OR10A3: variants seen among roughly 807,000 people sequenced by gnomAD.
The protein encoded by OR10A3 is olfactory receptor family 10 subfamily A member 3, also known as olfactory receptor 10A3.
Under a neutral mutation model 1.5 loss-of-function variants are expected in OR10A3, and 1 was observed. The ratio of observed to expected loss-of-function variants is 0.66; its 90% CI spans 0.23 to 3.11. The LOEUF is 3.11. Ranked by LOEUF, OR10A3 falls within the 30% of genes most tolerant of loss-of-function variation. The pLI is 0.21. For missense variants in OR10A3, 398 were observed against 369.7 expected, an observed-to-expected ratio of 1.08 and a Z score of -0.63; for synonymous variants, 145 against 143.7, an observed-to-expected ratio of 1.01 and a Z score of -0.06.
In OR10A3 at chr11:7,939,036, C is replaced by A. The variant is rs79575648; in HGVS notation, c.485G>T (p.Trp162Leu). ...GCCACAAAATGGAAAACTAAATACC[C>A]AAGTGGTCTGCACAGTAGCCACCAT... ...GIMVATVQTT[W>L]VFSFPFCGPN... Residue 162 changes from tryptophan (W) to leucine (L), a missense_variant, in exon 2 of 2, where the codon TGG becomes TTG. Trp to Leu is a moderately conservative substitution (Grantham distance 61). Coordinates refer to ENST00000642047, the MANE Select transcript of OR10A3 (RefSeq NM_001003745.2). The A allele has an allele frequency of 2.5e-6, 4 of 1,613,950 alleles. No homozygotes were observed. The highest frequency in any genetic ancestry group is 1.6e-4 in the Middle Eastern group (1 of 6,062).
chr11:7,939,374 G>T lies in OR10A3; in HGVS notation c.147C>A (p.Ile49=), dbSNP rs1429181023. The T allele has an allele frequency of 1.2e-6, 2 of 1,614,174 alleles. No homozygotes were observed. Among genetic ancestry groups the T allele is most frequent in the Non-Finnish European group, 1.7e-6 (2 of 1,180,008 alleles). ...LMGNAIITVI[I]SLNQSLHVPM... ...GAACGTGGAGGCTCTGGTTTAAGGA[G>T]ATGATGACTGTAATGATGGCATTTC... Residue 49 remains isoleucine (I), a synonymous_variant, in exon 2 of 2, where the codon ATC becomes ATA. Coordinates refer to ENST00000642047, the MANE Select transcript of OR10A3 (RefSeq NM_001003745.2).
Position 7,939,006 on chromosome 11 carries a change from T to C in OR10A3, c.515A>G (p.Asn172Ser), listed in dbSNP as rs116697699. The change falls in exon 2 of 2, where the codon AAT becomes AGT. Residue 172 changes from asparagine to serine, a missense_variant. Asn to Ser is a conservative substitution (Grantham distance 46, BLOSUM62 1). Transcript: ENST00000642047. The stretch of plus-strand genomic sequence containing the variant: ...CTCACAGAAGAGATGATTAATTTCA[T>C]TGGGGCCACAAAATGGAAAACTAAA... ...WVFSFPFCGP[N>S]EINHLFCETP... The C allele has an allele frequency of 1.6e-3, 2,621 of 1,614,170 alleles. 32 individuals carry two copies. In the African/African-American group the frequency reaches 0.029, roughly 18 times the overall value.
In OR10A3 at chr11:7,939,171, G is replaced by A. The variant is rs777277922; in HGVS notation, c.350C>T (p.Ala117Val). 1.0e-4 allele frequency: 168 copies of A among 1,614,100 alleles called. No individual in the cohort carries two copies. The highest frequency in any genetic ancestry group is 1.5e-4 in the South Asian group (14 of 91,080). The change falls in exon 2 of 2, where the codon GCG becomes GTG. Residue 117 changes from alanine to valine, a missense_variant. Physicochemically the swap from Ala to Val is moderately conservative, Grantham distance 64 (BLOSUM62 0). Coordinates refer to ENST00000642047, the MANE Select transcript of OR10A3 (RefSeq NM_001003745.2). ...TGCAGCAAATCGGTCATAAGCCATC[G>A]CTCCCAGGAGAAAACATTCAGTCCC... ...FGGTECFLLG[A>V]MAYDRFAAIC...
intron 1 of OR10A3, among the ~76,000 whole-genome samples, chr11:7,941,122 T>C (rs890521688): frequency 6.6e-6 from 1 of 152,184 alleles, no homozygotes; most frequent in African/African-American, 2.4e-5. Flanking sequence ...AGTATCATTT[T>C]AATAGACAAA....
Position 7,941,594 on chromosome 11 carries a change from T to C in OR10A3, c.-186A>G, listed in dbSNP as rs1941443931. ...AGCAATTGACTTTCTTACCTGAGCA[T>C]TGAGTTATCACTTGATAAGTATCTC... On this transcript the variant is annotated 5_prime_UTR_variant, in exon 1 of 2. The change abolishes an upstream ATG in the 5' untranslated region. Coordinates refer to ENST00000642047, the MANE Select transcript of OR10A3 (RefSeq NM_001003745.2). 6.6e-6 allele frequency: 1 copy of C among 152,208 alleles called. No individual in the cohort carries two copies. The highest frequency in any genetic ancestry group is 6.5e-5 in the Admixed American group (1 of 15,274). 9.4% of individuals were successfully genotyped at this position (152,208 alleles called of 1,614,324 possible).
chr11:7,937,684 T>C lies in OR10A3; in HGVS notation c.*892A>G, dbSNP rs1941375325. Reference sequence around the variant, plus strand: ...TTATAATTTGTGTAAGGTCATGAAGTAGAACCATTTTTGGCCCCCCAAAAT... The same window carrying C: ...TTATAATTTGTGTAAGGTCATGAAGCAGAACCATTTTTGGCCCCCCAAAAT... On this transcript the variant is annotated 3_prime_UTR_variant, in exon 2 of 2. Transcript: ENST00000642047. The C allele has an allele frequency of 1.3e-5, 2 of 152,166 alleles. No homozygotes were observed. The highest frequency in any genetic ancestry group is 4.8e-5 in the African/African-American group (2 of 41,438). The allele number at this position is 152,166 out of a possible 1,614,324, so 9.4% of individuals were successfully genotyped here.
At chr11:7,941,363 T>C (rs563230110) in intron 1 of OR10A3, among the ~76,000 whole-genome samples, 1 of 152,326 alleles carries the variant, frequency 6.6e-6, no homozygotes, top group African/African-American at 2.4e-5. Context: ...ACTGATATGT[T>C]CTACTGGCTC....
At position 7,938,496 on chromosome 11, in the gene OR10A3, C is replaced by G; in HGVS notation, c.*80G>C. 9.2e-7 allele frequency: 1 copy of G among 1,081,796 alleles called. No individual in the cohort carries two copies. The allele number at this position is 1,081,796 out of a possible 1,614,324, so 67.0% of individuals were successfully genotyped here. ...AACTTACATAGTCATACAAAAAATG[C>G]AGTCTGTTTTCACCCTTTATTAAAT... On this transcript the variant is annotated 3_prime_UTR_variant, in exon 2 of 2. Transcript: ENST00000642047.
rs754965681 is a variant in OR10A3, at chr11:7,939,485, G to T, written c.36C>A (p.Phe12Leu). The T allele has an allele frequency of 6.3e-7, 1 of 1,581,614 alleles. No individual in the cohort carries two copies. The highest frequency in any genetic ancestry group is 8.5e-7 in the Non-Finnish European group (1 of 1,170,684). The change falls in exon 2 of 2, where the codon TTC becomes TTA. Residue 12 changes from phenylalanine to leucine, a missense_variant. Phe to Leu is a conservative substitution (Grantham distance 22, BLOSUM62 0). Transcript: ENST00000642047. ...GAAAGTTAGAAAAGCCCAGGAGGAT[G>T]AATTCAACCACACAGCTTTGATTTT... Reference protein sequence around the residue: ...KRQNQSCVVEFILLGFSNFPE... With the variant: ...KRQNQSCVVELILLGFSNFPE...
rs1376120263 is a variant in OR10A3, at chr11:7,937,433, C to G, written c.*1143G>C. 1 of 152,154 alleles carries G rather than the reference C, an allele frequency of 6.6e-6. No homozygotes were observed. Among genetic ancestry groups the G allele is most frequent in the Non-Finnish European group, 1.5e-5 (1 of 68,028 alleles). The allele number at this position is 152,154 out of a possible 1,614,324, so 9.4% of individuals were successfully genotyped here. ...CAATTTTTTTGCCTGAGCCAGTTTC[C>G]AAGCTTAACTTTTCTTTTGGCATAG... On this transcript the variant is annotated 3_prime_UTR_variant, in exon 2 of 2. Coordinates refer to ENST00000642047, the MANE Select transcript of OR10A3 (RefSeq NM_001003745.2).
chr11:7,938,718 G>T lies in OR10A3; in HGVS notation c.803C>A (p.Pro268His). Residue 268 changes from proline to histidine, a missense_variant, in exon 2 of 2, where the codon CCC (proline) becomes CAC (histidine). By Grantham distance (77) the Pro-to-His change is moderately conservative. Coordinates refer to ENST00000642047, the MANE Select transcript of OR10A3 (RefSeq NM_001003745.2). ...TYLQPKSGYS[P>H]ETKKLISLAY... ...CAATGAGATCAGTTTCTTGGTTTCG[G>T]GTGAGTAGCCAGATTTGGGTTGTAA... 6.2e-7 allele frequency: 1 copy of T among 1,614,182 alleles called. No homozygotes were observed. The highest frequency in any genetic ancestry group is 2.2e-5 in the East Asian group (1 of 44,876).
chr11:7,938,377 C>A lies in OR10A3; in HGVS notation c.*199G>T. ...CATAATAGAGAAATGGATGAATAAACTGTTGTGTCATGTTATGAGAACATA... is the reference window on the plus strand; with the variant it reads ...CATAATAGAGAAATGGATGAATAAAATGTTGTGTCATGTTATGAGAACATA... On this transcript the variant is annotated 3_prime_UTR_variant, in exon 2 of 2. Transcript: ENST00000642047. 7 of 485,834 alleles carry A rather than the reference C, an allele frequency of 1.4e-5. No homozygotes were observed. Among genetic ancestry groups the A allele is most frequent in the East Asian group, 3.3e-5 (1 of 29,864 alleles). 30.1% of individuals were successfully genotyped at this position (485,834 alleles called of 1,614,324 possible). A position where few individuals can be genotyped will look rare whatever the true frequency, so the allele number is the denominator to read the frequency against.
In OR10A3 at chr11:7,938,788, G is replaced by C. The variant is rs1485218504; in HGVS notation, c.733C>G (p.Leu245Val). ...CCATAGAACAGGGTCACAGATGTGA[G>C]GTGAGAGGCACAGGTGGAAAAGGCC... ...QKAFSTCASH[L>V]TSVTLFYGTA... The change falls in exon 2 of 2, where the codon CTC (leucine) becomes GTC (valine). Residue 245 changes from leucine to valine, a missense_variant. Coordinates refer to ENST00000642047, the MANE Select transcript of OR10A3 (RefSeq NM_001003745.2). The C allele has an allele frequency of 1.2e-6, 2 of 1,614,204 alleles. No homozygotes were observed. The highest frequency in any genetic ancestry group is 3.3e-5 in the Admixed American group (2 of 60,022).
rs1564870443 is a variant in OR10A3 at position 7,938,233 on chromosome 11, G to A, written c.*343C>T. On this transcript the variant is annotated 3_prime_UTR_variant, in exon 2 of 2. Coordinates refer to ENST00000642047, the MANE Select transcript of OR10A3 (RefSeq NM_001003745.2). The stretch of plus-strand genomic sequence containing the variant: ...GCAGGAGAATTGCTAGAACCCAGGA[G>A]GTGGAGGTTGCAGTGAGCCCAGATC... 2 of 182,814 alleles carry A rather than the reference G, an allele frequency of 1.1e-5. No homozygotes were observed. The highest frequency in any genetic ancestry group is 4.8e-5 in the African/African-American group (2 of 41,634). 11.3% of individuals were successfully genotyped at this position (182,814 alleles called of 1,614,324 possible). A position where few individuals can be genotyped will look rare whatever the true frequency, so the allele number is the denominator to read the frequency against.
rs1433298243 is a variant in OR10A3 at position 7,937,713 on chromosome 11, T to C, written c.*863A>G. 1 of 152,146 alleles carries C rather than the reference T, an allele frequency of 6.6e-6. No homozygotes were observed. Among genetic ancestry groups the C allele is most frequent in the Non-Finnish European group, 1.5e-5 (1 of 68,008 alleles). 9.4% of individuals were successfully genotyped at this position (152,146 alleles called of 1,614,324 possible). A position where few individuals can be genotyped will look rare whatever the true frequency, so the allele number is the denominator to read the frequency against. ...ACCATTTTTGGCCCCCCAAAATAGA[T>C]GCACTTTTTTTTTACTCATCCGTGG... is the stretch of plus-strand genomic sequence containing the variant. On this transcript the variant is annotated 3_prime_UTR_variant, in exon 2 of 2. Coordinates refer to ENST00000642047, the MANE Select transcript of OR10A3 (RefSeq NM_001003745.2).
chr11:7,939,941 A>T (rs1941420330), intron 1 of OR10A3, among the ~76,000 whole-genome samples: 1 of 152,176 alleles, frequency 6.6e-6, no homozygotes, highest in African/African-American at 2.4e-5. Flanking sequence ...AGAGCAACTG[A>T]ACCTGAGTTT....
chr11:7,940,639 C>T (rs917558789), intron 1 of OR10A3, among the ~76,000 whole-genome samples: 2 of 151,464 alleles, frequency 1.3e-5, no homozygotes, highest in Non-Finnish European at 2.9e-5. Context: ...ACTTCTCAGG[C>T]TGGCATTTAA....
At chr11:7,940,261 A>G (rs569517626) in intron 1 of OR10A3, among the ~76,000 whole-genome samples, 151 of 152,278 alleles carry the variant, frequency 9.9e-4, no homozygotes, top group Middle Eastern at 3.4e-3. Context: ...TCCCATGCGG[A>G]GATGACCATT....
In OR10A3 at chr11:7,938,687, GTA is replaced by G. The variant is rs1941390760; in HGVS notation, c.832_833del (p.Tyr278HisfsTer13). 2 of 1,614,068 alleles carry G rather than the reference GTA, an allele frequency of 1.2e-6. No individual in the cohort carries two copies. Among genetic ancestry groups the G allele is most frequent in the East Asian group, 4.5e-5 (2 of 44,878 alleles). On this transcript the variant is annotated frameshift_variant, in exon 2 of 2. Transcript: ENST00000642047. LOFTEE classifies it high-confidence loss of function. ...PETKKLISLA[Y>X]TLLTPLLNPL... ...GATTGAGCAGAGGGGTAAGCAACGT[GTA>G]AGCCAATGAGATCAGTTTCTTGGTT...
Sources: gnomAD v4.1 joint callset for allele counts (sites outside exome capture counted in the v4.1 genomes callset) on GRCh38, gnomAD v4.1.1 for gene constraint, MANE v1.5 for transcripts, NCBI Gene and HGNC (gene_info 2026-07-23, HGNC 2026-07-21) for gene names.